The following AFF2 variants were observed in gnomAD, a reference collection of about 807,000 sequenced individuals.
AFF2 encodes the protein ALF transcription elongation factor 2, also known as AF4/FMR2 family member 2.
AFF2 carries 14 observed loss-of-function variants against 76.9 expected under a neutral mutation model. The ratio of observed to expected loss-of-function variants is 0.18; its 90% CI spans 0.12 to 0.28. The LOEUF (loss-of-function observed/expected upper bound fraction) is 0.28. AFF2 is among the 10% of genes least tolerant of loss of function. The pLI, the probability that AFF2 is intolerant of heterozygous loss-of-function variation, is 1.00. For missense variants in AFF2, 868 were observed against 1,001.1 expected (o/e 0.87, Z 1.79); for synonymous variants, 398 against 366.7 (o/e 1.09, Z -0.98).
At chrX:148,793,748 G>T (rs1223817233) in intron 3 of AFF2, among the ~76,000 whole-genome samples, 1 of 111,652 alleles carries the variant, frequency 9.0e-6, no homozygotes, top group African/African-American at 3.3e-5. Context: ...CATTCACATG[G>T]TTATGTGACC....
At chrX:148,935,514 T>C (rs1424291490) in intron 9 of AFF2, among the ~76,000 whole-genome samples, 2 of 111,172 alleles carry the variant, frequency 1.8e-5, no homozygotes, top group Non-Finnish European at 3.8e-5. Flanking sequence ...TCAGAGGTAA[T>C]GTTATTAGTG....
chrX:148,704,065 T>G (rs2054835617), intron 3 of AFF2, among the ~76,000 whole-genome samples: 1 of 103,237 alleles, frequency 9.7e-6, no homozygotes, highest in African/African-American at 3.5e-5. Flanking sequence ...CCTGCTAATA[T>G]ATATATTATA....
chrX:148,847,409 A>G, intron 7 of AFF2, among the ~76,000 whole-genome samples: 1 of 112,139 alleles, frequency 8.9e-6, no homozygotes, highest in African/African-American at 3.2e-5. Flanking sequence ...GGTTGTTAGC[A>G]TTTGGACTAT....
intron 1 of AFF2, among the ~76,000 whole-genome samples, chrX:148,624,210 CA>C (rs1557251691): frequency 9.0e-6 from 1 of 111,442 alleles, no homozygotes; most frequent in Admixed American, 9.6e-5. Context: ...GTCCCTTCCC[CA>C]TCACCACGTC....
intron 3 of AFF2, among the ~76,000 whole-genome samples, chrX:148,669,097 G>A (rs1557258815): frequency 9.0e-6 from 1 of 111,330 alleles, no homozygotes; most frequent in African/African-American, 3.3e-5. Flanking sequence ...TAGGGCTGGG[G>A]CAAAATGCCA....
Position 148,998,678 on chromosome X carries a change from G to A in AFF2, c.*7346G>A, listed in dbSNP as rs2072637179. ...ATTACAAACATCTTCAGATGTTTCT[G>A]TAACCATTATAAATATGAAAAAAAC... is the stretch of plus-strand genomic sequence containing the variant. On this transcript the variant is annotated 3_prime_UTR_variant, in exon 21 of 21. Transcript: ENST00000370460. 9.0e-6 allele frequency: 1 copy of A among 111,026 alleles called. No homozygotes were observed. The allele number at this position is 111,026 out of a possible 1,213,427, so 9.1% of individuals were successfully genotyped here. A position where few individuals can be genotyped will look rare whatever the true frequency, so the allele number is the denominator to read the frequency against.
intron 10 of AFF2, among the ~76,000 whole-genome samples, chrX:148,954,781 A>G (rs781951433): frequency 3.0e-4 from 34 of 111,703 alleles, no homozygotes; most frequent in African/African-American, 1.1e-3. Context: ...CTTGCCTGCC[A>G]TTGTCTTGTG....
At chrX:148,773,647 G>C (rs1200423497) in intron 3 of AFF2, among the ~76,000 whole-genome samples, 3 of 96,282 alleles carry the variant, frequency 3.1e-5, no homozygotes, top group African/African-American at 1.2e-4. Context: ...GGAAAGGAGG[G>C]AGGGAGGAAG....
chrX:148,941,608 G>A (rs2071835266), intron 9 of AFF2, among the ~76,000 whole-genome samples: 1 of 112,034 alleles, frequency 8.9e-6, no homozygotes, highest in African/African-American at 3.3e-5. Flanking sequence ...ATCAATGGTT[G>A]TTGCTCTAAA....
chrX:148,922,083 C>A (rs1332766416), intron 9 of AFF2, among the ~76,000 whole-genome samples: 1 of 112,119 alleles, frequency 8.9e-6, no homozygotes, highest in African/African-American at 3.2e-5. Flanking sequence ...ACCATAAACA[C>A]CATTGGCACA....
intron 3 of AFF2, among the ~76,000 whole-genome samples, chrX:148,722,495 G>C: frequency 9.1e-6 from 1 of 110,370 alleles, no homozygotes; most frequent in Middle Eastern, 4.6e-3. Context: ...CTTCATGTGA[G>C]ATGTCCTCTT....
intron 20 of AFF2, among the ~76,000 whole-genome samples, chrX:148,988,940 A>G (rs945171112): frequency 3.6e-5 from 4 of 112,566 alleles, no homozygotes; most frequent in Non-Finnish European, 5.6e-5. Flanking sequence ...GCTTGTTAGA[A>G]GCAGAAATCT....
intron 3 of AFF2, among the ~76,000 whole-genome samples, chrX:148,793,364 A>G (rs782645225): frequency 9.0e-6 from 1 of 111,584 alleles, no homozygotes. Context: ...TTGCTTTCAC[A>G]CTGCTTTTTT....
intron 20 of AFF2, among the ~76,000 whole-genome samples, chrX:148,990,176 C>G (rs192031826): frequency 1.8e-5 from 2 of 112,318 alleles, no homozygotes; most frequent in African/African-American, 6.5e-5. Context: ...AGAAGGATCC[C>G]ATATGTTATA....
At chrX:148,808,645 C>A (rs1557271532) in intron 3 of AFF2, among the ~76,000 whole-genome samples, 2 of 111,569 alleles carry the variant, frequency 1.8e-5, no homozygotes, top group African/African-American at 6.5e-5. Context: ...AATTGATAGC[C>A]CTTCATTATT....
chrX:148,787,083 C>T lies in AFF2; in HGVS notation c.1042-22793C>T, dbSNP rs782755436. Among the ~76,000 whole-genome samples the T allele has an allele frequency of 5.3e-5, 6 of 112,551 alleles. No individual in the cohort carries two copies. In the East Asian group the frequency reaches 1.1e-3, roughly 21 times the overall value. On this transcript the variant is annotated intron_variant, in intron 3 of 20. Coordinates refer to ENST00000370460, the MANE Select transcript of AFF2 (RefSeq NM_002025.4). Reference sequence around the variant, plus strand: ...CTCAAATTTTTGCTGAGTAAACTAACGAACAAATAATGTCTGTAGGAGTGA... The same window carrying T: ...CTCAAATTTTTGCTGAGTAAACTAATGAACAAATAATGTCTGTAGGAGTGA...
Position 148,821,233 on chromosome X carries a change from A to G in AFF2, c.1086+11313A>G, listed in dbSNP as rs150934064. On this transcript the variant is annotated intron_variant, in intron 4 of 20. Transcript: ENST00000370460. The stretch of plus-strand genomic sequence containing the variant: ...CCCTAATTCTCAGAATTATAGGGAC[A>G]ATTAAATGAGATGATGCATATGAAA... Among the ~76,000 whole-genome samples, 8 of 111,565 alleles carry G rather than the reference A, an allele frequency of 7.2e-5. No individual in the cohort carries two copies. The East Asian group carries it at 2.0e-3, about 28-fold the overall frequency.
At chrX:148,838,118 G>A (rs1569556066) in intron 5 of AFF2, among the ~76,000 whole-genome samples, 1 of 111,896 alleles carries the variant, frequency 8.9e-6, no homozygotes, top group Non-Finnish European at 1.9e-5. Context: ...TCACCTTCCA[G>A]TTCTTGCTCA....
intron 7 of AFF2, among the ~76,000 whole-genome samples, chrX:148,876,338 A>C (rs2071035547): frequency 4.5e-5 from 5 of 112,148 alleles, no homozygotes; most frequent in African/African-American, 1.6e-4. Flanking sequence ...TGCAAGCTCT[A>C]TTGCTACACT....
Sources: gnomAD v4.1 joint callset for allele counts (sites outside exome capture counted in the v4.1 genomes callset) on GRCh38, gnomAD v4.1.1 for gene constraint, MANE v1.5 for transcripts, NCBI Gene and HGNC (gene_info 2026-07-23, HGNC 2026-07-21) for gene names.